Variants in DGKH observed in about 807,000 individuals in gnomAD.
DGKH encodes DAG kinase eta.
Under a neutral mutation model 159.3 loss-of-function variants are expected in DGKH, and 90 were observed. That is an observed-to-expected ratio of 0.57 (90% CI 0.48 to 0.67). DGKH has a LOEUF of 0.67. Ranked by LOEUF, DGKH falls within the 30% of genes least tolerant of loss-of-function variation. DGKH has a pLI of 0.00. For missense variants in DGKH, 1,181 were observed against 1,506.1 expected, an observed-to-expected ratio of 0.78 and a Z score of 3.57; for synonymous variants, 536 against 553.8, an observed-to-expected ratio of 0.97 and a Z score of 0.45.
intron 29 of DGKH, among the ~76,000 whole-genome samples, chr13:42,226,903 A>G (rs1958147782): frequency 6.6e-6 from 1 of 152,034 alleles, no homozygotes; most frequent in Non-Finnish European, 1.5e-5. Flanking sequence ...TGTGGTGTAT[A>G]TATACACCAT....
intron 3 of DGKH, among the ~76,000 whole-genome samples, chr13:42,147,566 A>C (rs1955768099): frequency 6.6e-6 from 1 of 152,250 alleles, no homozygotes; most frequent in Non-Finnish European, 1.5e-5. Context: ...TATAAACTAA[A>C]AGAGCTTGTG....
chr13:42,051,710 A>G (rs1881327949), intron 1 of DGKH, among the ~76,000 whole-genome samples: 1 of 113,996 alleles, frequency 8.8e-6, no homozygotes, highest in South Asian at 3.2e-4. Context: ...CCCAGGCTGG[A>G]GTGCAATGGT....
chr13:42,115,078 G>A (rs143588750), intron 1 of DGKH, among the ~76,000 whole-genome samples: 1 of 152,348 alleles, frequency 6.6e-6, no homozygotes, highest in East Asian at 1.9e-4. Context: ...CTTATGTGAA[G>A]TCACAGAGCT....
At chr13:42,244,170 T>C (rs1958557598), downstream of DGKH, among the ~76,000 whole-genome samples, 1 of 152,134 alleles carries the variant, frequency 6.6e-6, no homozygotes, top group South Asian at 2.1e-4. Context: ...GGATACATCA[T>C]GTTGGAGAGA....
At chr13:42,056,266 C>T (rs2137654990) in intron 1 of DGKH, among the ~76,000 whole-genome samples, 1 of 151,484 alleles carries the variant, frequency 6.6e-6, no homozygotes, top group South Asian at 2.1e-4. Context: ...TTCTCTCCCT[C>T]CTGCTTTTTG....
chr13:42,210,298 AT>A (rs2138201854), intron 23 of DGKH, among the ~76,000 whole-genome samples: 1 of 152,000 alleles, frequency 6.6e-6, no homozygotes, highest in South Asian at 2.1e-4. Context: ...AGCCCAGCTA[AT>A]TAAAAAAAAA....
At chr13:42,133,554 G>T (rs1955336097) in intron 3 of DGKH, among the ~76,000 whole-genome samples, 1 of 152,048 alleles carries the variant, frequency 6.6e-6, no homozygotes, top group Middle Eastern at 3.2e-3. Context: ...AAATTAGCCA[G>T]GTGTAGTGGT....
intron 22 of DGKH, 82 bp downstream of exon 22, chr13:42,209,154 G>T: frequency 7.3e-7 from 1 of 1,373,636 alleles, no homozygotes; most frequent in South Asian, 1.3e-5. Flanking sequence ...CTCGTACACT[G>T]GATATTCATC....
rs1958388651 is a variant in DGKH, at chr13:42,235,148, C to T, written c.*5960C>T. 6.6e-6 allele frequency: 1 copy of T among 152,082 alleles called. No individual in the cohort carries two copies. Among genetic ancestry groups the T allele is most frequent in the South Asian group, 2.1e-4 (1 of 4,830 alleles). 9.4% of individuals were successfully genotyped at this position (152,082 alleles called of 1,614,324 possible). ...TTTAACAGAGTAACTCAGACTGAGACTGTTAAACTCTGTTCATGATAAACT... is the reference window on the plus strand; with the variant it reads ...TTTAACAGAGTAACTCAGACTGAGATTGTTAAACTCTGTTCATGATAAACT... On this transcript the variant is annotated 3_prime_UTR_variant, in exon 30 of 30. Coordinates refer to ENST00000337343, the MANE Select transcript of DGKH (RefSeq NM_178009.5).
chr13:42,236,426 A>G lies in DGKH; in HGVS notation c.*7238A>G, dbSNP rs113129029. ...TAAAAAAATAAGTTTCATGTTTAAAATAAATATTTTTTTAAAATATAAAGC... is the reference window on the plus strand; with the variant it reads ...TAAAAAAATAAGTTTCATGTTTAAAGTAAATATTTTTTTAAAATATAAAGC... On this transcript the variant is annotated 3_prime_UTR_variant, in exon 30 of 30. Coordinates refer to ENST00000337343, the MANE Select transcript of DGKH (RefSeq NM_178009.5). 6.6e-6 allele frequency: 1 copy of G among 152,212 alleles called. No homozygotes were observed. The highest frequency in any genetic ancestry group is 1.5e-5 in the Non-Finnish European group (1 of 68,036). 9.4% of individuals were successfully genotyped at this position (152,212 alleles called of 1,614,324 possible).
intron 1 of DGKH, among the ~76,000 whole-genome samples, chr13:42,124,730 C>G (rs542561962): frequency 6.6e-6 from 1 of 152,140 alleles, no homozygotes; most frequent in South Asian, 2.1e-4. Context: ...TGGTTGTTTA[C>G]ACTATAAAAA....
chr13:42,227,542 T>A (rs977645274), intron 29 of DGKH, among the ~76,000 whole-genome samples: 22 of 152,334 alleles, frequency 1.4e-4, no homozygotes, highest in Non-Finnish European at 2.4e-4. Context: ...ATTTCAAATT[T>A]AGGTAGCAAG....
At chr13:42,187,441 C>T (rs930359149) in intron 14 of DGKH, among the ~76,000 whole-genome samples, 5 of 152,050 alleles carry the variant, frequency 3.3e-5, no homozygotes, top group Admixed American at 2.0e-4. Flanking sequence ...CAGTGATGCT[C>T]TCTCTACTCA....
chr13:42,052,283 T>C (rs765293447), intron 1 of DGKH, among the ~76,000 whole-genome samples: 7 of 152,312 alleles, frequency 4.6e-5, no homozygotes, highest in Admixed American at 6.5e-5. Flanking sequence ...CCCTTTTCAT[T>C]TTCCATTTAT....
chr13:42,220,720 A>G (rs1957945417), intron 28 of DGKH, among the ~76,000 whole-genome samples: 2 of 152,344 alleles, frequency 1.3e-5, no homozygotes, highest in Non-Finnish European at 2.9e-5. Context: ...TTTTTAAATG[A>G]TATTAAATTG....
chr13:42,187,997 T>C (rs914760321), intron 14 of DGKH, among the ~76,000 whole-genome samples: 1 of 152,234 alleles, frequency 6.6e-6, no homozygotes, highest in African/African-American at 2.4e-5. Context: ...TTGAGTATCT[T>C]GGGCTTGCAA....
rs763066756 is a variant in DGKH at position 42,214,504 on chromosome 13, T to C, written c.3015-3T>C. ...TATTCATTTGTTTCATTTTTGCTTT[T>C]AGGATATGTGACGCAGCCACAATTC... On this transcript the variant is annotated splice_polypyrimidine_tract_variant and splice_region_variant and intron_variant, in intron 24 of 29. Transcript: ENST00000337343. 12 of 1,604,660 alleles carry C rather than the reference T, an allele frequency of 7.5e-6. No homozygotes were observed. The highest frequency in any genetic ancestry group is 1.0e-5 in the Non-Finnish European group (12 of 1,177,388).
At chr13:42,205,970 A>G in intron 20 of DGKH, 69 bp from the exon 21 acceptor site, 3 of 942,278 alleles carry the variant, frequency 3.2e-6, no homozygotes, top group Non-Finnish European at 4.3e-6. Flanking sequence ...GTGTTTTAGT[A>G]TCTTCCATAC....
intron 1 of DGKH, among the ~76,000 whole-genome samples, chr13:42,100,244 G>C (rs1954627812): frequency 6.6e-6 from 1 of 152,202 alleles, no homozygotes; most frequent in South Asian, 2.1e-4. Flanking sequence ...CACTTCTTAT[G>C]AGAATCTAAC....
Sources: allele counts gnomAD v4.1 joint callset (sites outside exome capture counted in the v4.1 genomes callset), GRCh38; gene constraint gnomAD v4.1.1; transcripts MANE v1.5; gene names NCBI Gene and HGNC (gene_info 2026-07-23, HGNC 2026-07-21).